The following SPOCK1 variants were observed in gnomAD, a reference collection of about 807,000 sequenced individuals.
The protein encoded by SPOCK1 is testican-1.
SPOCK1 carries 23 observed loss-of-function variants against 55.3 expected under a neutral mutation model. The observed-to-expected ratio is 0.42, with a 90% CI of 0.30 to 0.59. SPOCK1 has a LOEUF of 0.59. SPOCK1 is among the 20% of genes least tolerant of loss of function. SPOCK1 has a pLI of 0.22. For synonymous variants in SPOCK1, 226 were observed against 221.0 expected (o/e 1.02, Z -0.20); for missense variants, 499 against 552.5 (o/e 0.90, Z 0.97).
intron 4 of SPOCK1, among the ~76,000 whole-genome samples, chr5:137,124,265 C>T (rs1561618081): frequency 1.3e-5 from 2 of 152,234 alleles, no homozygotes; most frequent in Non-Finnish European, 2.9e-5. Flanking sequence ...AGAGCAGCAG[C>T]TGCAGGCCTG....
At chr5:137,179,962 G>A (rs889335093) in intron 3 of SPOCK1, among the ~76,000 whole-genome samples, 1 of 152,134 alleles carries the variant, frequency 6.6e-6, no homozygotes, top group Admixed American at 6.5e-5. Context: ...GCAACAGAGC[G>A]CCACAGGAGG....
chr5:137,443,108 AG>A (rs1047519637), intron 2 of SPOCK1, among the ~76,000 whole-genome samples: 59 of 151,666 alleles, frequency 3.9e-4, no homozygotes, highest in East Asian at 5.8e-4. Flanking sequence ...TTGGGGAAAA[AG>A]AAAACACAGA....
intron 6 of SPOCK1, among the ~76,000 whole-genome samples, chr5:137,057,931 G>A (rs1182031483): frequency 2.0e-5 from 3 of 152,156 alleles, no homozygotes; most frequent in African/African-American, 7.2e-5. Context: ...GCATAATATG[G>A]TGATGAACAA....
intron 3 of SPOCK1, among the ~76,000 whole-genome samples, chr5:137,194,422 C>CT (rs1755257897): frequency 6.6e-6 from 1 of 152,144 alleles, no homozygotes; most frequent in Non-Finnish European, 1.5e-5. Context: ...AGAGAACATG[C>CT]AGCCTGTTAG....
chr5:137,479,762 T>C (rs1753911854), intron 2 of SPOCK1, among the ~76,000 whole-genome samples: 1 of 152,226 alleles, frequency 6.6e-6, no homozygotes, highest in Non-Finnish European at 1.5e-5. Flanking sequence ...AACAAACCTT[T>C]GTTGTTTTAA....
intron 3 of SPOCK1, among the ~76,000 whole-genome samples, chr5:137,187,729 T>G: frequency 6.6e-6 from 1 of 152,076 alleles, no homozygotes; most frequent in East Asian, 1.9e-4. Flanking sequence ...ACCATTAAAA[T>G]TCAATATGTT....
chr5:137,046,747 C>T (rs1198067844), intron 6 of SPOCK1, among the ~76,000 whole-genome samples: 2 of 37,330 alleles, frequency 5.4e-5, no homozygotes, highest in African/African-American at 7.5e-5. Context: ...CCAGTTTTTG[C>T]CCATTCAGTA....
chr5:137,218,144 T>C (rs1755756281), intron 3 of SPOCK1, among the ~76,000 whole-genome samples: 1 of 152,216 alleles, frequency 6.6e-6, no homozygotes, highest in Admixed American at 6.5e-5. Context: ...AGCTCGATCC[T>C]TTATCTTCAT....
chr5:137,150,302 T>A (rs1390749826), intron 3 of SPOCK1, among the ~76,000 whole-genome samples: 1 of 152,124 alleles, frequency 6.6e-6, no homozygotes, highest in Non-Finnish European at 1.5e-5. Flanking sequence ...GCCTCTCTAG[T>A]AGAGCTGTAC....
intron 2 of SPOCK1, among the ~76,000 whole-genome samples, chr5:137,357,977 A>T (rs1750854812): frequency 6.6e-6 from 1 of 152,102 alleles, no homozygotes; most frequent in South Asian, 2.1e-4. Context: ...ACCCTGAGAC[A>T]CAAATGAGAA....
At position 137,176,692 on chromosome 5, in the gene SPOCK1, A is replaced by C. The variant is rs78177581; in HGVS notation, c.233-35998T>G. ...GGCAACAACTCAAATTGATGTTCTC[A>C]TCAATACAAATCAACTGTAGGGGCC... On this transcript the variant is annotated intron_variant, in intron 3 of 10. Transcript: ENST00000394945. Among the ~76,000 whole-genome samples the C allele has an allele frequency of 8.1e-3, 1,237 of 152,334 alleles. 8 individuals are homozygous for C. The highest frequency in any genetic ancestry group is 0.011 in the Non-Finnish European group (776 of 68,026).
chr5:137,313,473 G>A (rs1263266083), intron 2 of SPOCK1: 7 of 985,298 alleles, frequency 7.1e-6, no homozygotes, highest in African/African-American at 7.0e-5. Flanking sequence ...CACAGGCCGG[G>A]CACCTGTGAC....
At chr5:137,326,366 A>C (rs998300157) in intron 2 of SPOCK1, among the ~76,000 whole-genome samples, 4 of 152,132 alleles carry the variant, frequency 2.6e-5, no homozygotes, top group African/African-American at 9.7e-5. Flanking sequence ...AATTGACCTC[A>C]GGTGAGCCTA....
chr5:137,462,330 C>T (rs1219240591), intron 2 of SPOCK1, among the ~76,000 whole-genome samples: 1 of 152,232 alleles, frequency 6.6e-6, no homozygotes, highest in African/African-American at 2.4e-5. Context: ...CAGCCAGAGC[C>T]TGGAGCTTCC....
intron 2 of SPOCK1, among the ~76,000 whole-genome samples, chr5:137,477,037 T>G (rs1428726769): frequency 6.6e-6 from 1 of 152,236 alleles, no homozygotes; most frequent in African/African-American, 2.4e-5. Flanking sequence ...CCGAAAATGT[T>G]CATCACAACA....
intron 2 of SPOCK1, among the ~76,000 whole-genome samples, chr5:137,350,426 C>G (rs1409550587): frequency 6.6e-6 from 1 of 152,188 alleles, no homozygotes; most frequent in Non-Finnish European, 1.5e-5. Context: ...CTTGGCTGAG[C>G]AAGGCTTCTG....
chr5:137,417,708 A>G (rs1169908715), intron 2 of SPOCK1, among the ~76,000 whole-genome samples: 1 of 152,180 alleles, frequency 6.6e-6, no homozygotes, highest in East Asian at 1.9e-4. Flanking sequence ...TCTTATGCAT[A>G]TCTCAAAAAT....
intron 3 of SPOCK1, among the ~76,000 whole-genome samples, chr5:137,183,545 C>T (rs1421175490): frequency 6.6e-6 from 1 of 152,218 alleles, no homozygotes; most frequent in Non-Finnish European, 1.5e-5. Flanking sequence ...AAATTAGAAT[C>T]TTGGTGGTTG....
chr5:137,363,720 G>T (rs1236409656), intron 2 of SPOCK1, among the ~76,000 whole-genome samples: 1 of 152,214 alleles, frequency 6.6e-6, no homozygotes, highest in African/African-American at 2.4e-5. Context: ...AATACAGGGG[G>T]ATAAATAGAA....
Sources: allele counts gnomAD v4.1 joint callset (sites outside exome capture counted in the v4.1 genomes callset), GRCh38; gene constraint gnomAD v4.1.1; transcripts MANE v1.5; gene names NCBI Gene and HGNC (gene_info 2026-07-23, HGNC 2026-07-21).